TNIK: variants seen among roughly 807,000 people sequenced by gnomAD.
TNIK encodes TRAF2 and NCK interacting kinase, also known as TRAF2 and NCK-interacting protein kinase.
A neutral mutation model predicts 191.3 loss-of-function variants in TNIK; 49 were observed. That is an observed-to-expected ratio of 0.26 (90% CI 0.20 to 0.32). The LOEUF (loss-of-function observed/expected upper bound fraction) is 0.32. Among genes scored for constraint, TNIK ranks in the 10% least tolerant of loss-of-function variants. The pLI is 1.00. For synonymous variants in TNIK, 594 were observed against 600.9 expected, an observed-to-expected ratio of 0.99 and a Z score of 0.17; for missense variants, 1,155 against 1,702.3, an observed-to-expected ratio of 0.68 and a Z score of 5.66.
At chr3:171,410,061 C>A (rs1722186523) in intron 1 of TNIK, among the ~76,000 whole-genome samples, 1 of 152,038 alleles carries the variant, frequency 6.6e-6, no homozygotes, top group African/African-American at 2.4e-5. Context: ...AGAAGAGAAG[C>A]AGCAATTTAT....
intron 31 of TNIK, 94 bp from the exon 32 acceptor site, chr3:171,066,420 G>A (rs1576881481): frequency 1.9e-6 from 3 of 1,559,204 alleles, no homozygotes; most frequent in Non-Finnish European, 1.7e-6. Context: ...AATGACAAAC[G>A]ACTTGAGATA....
chr3:171,150,020 T>C (rs1191861595), intron 12 of TNIK, among the ~76,000 whole-genome samples: 2 of 152,198 alleles, frequency 1.3e-5, no homozygotes, highest in Non-Finnish European at 2.9e-5. Flanking sequence ...TTCCTCTGGC[T>C]TGGGGCCTGG....
chr3:171,202,100 A>C (rs2108874290), intron 4 of TNIK, among the ~76,000 whole-genome samples: 1 of 152,330 alleles, frequency 6.6e-6, no homozygotes, highest in Non-Finnish European at 1.5e-5. Flanking sequence ...CAGACAACCC[A>C]GAGTCAGTAC....
At chr3:171,281,937 A>C (rs1215724034) in intron 2 of TNIK, among the ~76,000 whole-genome samples, 1 of 152,202 alleles carries the variant, frequency 6.6e-6, no homozygotes, top group Non-Finnish European at 1.5e-5. Flanking sequence ...GTTGAGCCTG[A>C]CTGAATTAGT....
intron 1 of TNIK, among the ~76,000 whole-genome samples, chr3:171,443,244 T>C (rs2108696145): frequency 6.6e-6 from 1 of 152,308 alleles, no homozygotes; most frequent in East Asian, 1.9e-4. Flanking sequence ...CTGGTTCCAC[T>C]GCTACCCAGA....
intron 1 of TNIK, among the ~76,000 whole-genome samples, chr3:171,396,781 A>G (rs1720308574): frequency 6.6e-6 from 1 of 152,182 alleles, no homozygotes. Context: ...CTTCCTAGCC[A>G]TTCTCAGTTG....
intron 9 of TNIK, 29 bp from the exon 10 acceptor site, chr3:171,167,299 A>G (rs1439155233): frequency 6.3e-7 from 1 of 1,598,124 alleles, no homozygotes; most frequent in East Asian, 2.2e-5. Flanking sequence ...GAATCCACAG[A>G]TAAAACGGCG....
chr3:171,110,747 G>C lies in TNIK; in HGVS notation c.2251C>G (p.Gln751Glu). The C allele has an allele frequency of 1.2e-6, 2 of 1,601,692 alleles. No individual in the cohort carries two copies. Among genetic ancestry groups the C allele is most frequent in the Non-Finnish European group, 1.7e-6 (2 of 1,174,268 alleles). ...SSQGGSQPGS[Q>E]AGSSERTRVR... ...CTGGTGCGTTCACTGGATCCTGCTTGTGATCCAGGCTGGGAGCCTCCTTGG... is the reference window on the plus strand; with the variant it reads ...CTGGTGCGTTCACTGGATCCTGCTTCTGATCCAGGCTGGGAGCCTCCTTGG... The change falls in exon 19 of 33, where the codon CAA (glutamine) becomes GAA (glutamate). Residue 751 changes from glutamine to glutamate, a missense_variant. Around this residue, in one of 3 missense-constraint regions of TNIK, gnomAD observed 735 missense variants for 848.0 expected, o/e 0.87. Coordinates refer to ENST00000436636, the MANE Select transcript of TNIK (RefSeq NM_015028.4).
rs543162023 is a variant in TNIK, at chr3:171,424,689, T to C, written c.57+35318A>G. Among the ~76,000 whole-genome samples the C allele has an allele frequency of 1.4e-3, 212 of 152,018 alleles. 6 individuals are homozygous for C. In the South Asian group the frequency reaches 0.042, roughly 30 times the overall value. On this transcript the variant is annotated intron_variant, in intron 1 of 32. Transcript: ENST00000436636. ...TGAGTTCATGTCCTTTGTAGGAACATGGATGAAGCTGGAAACCATCATTCT... is the reference window on the plus strand; with the variant it reads ...TGAGTTCATGTCCTTTGTAGGAACACGGATGAAGCTGGAAACCATCATTCT...
chr3:171,320,827 G>A (rs1298997484), intron 2 of TNIK, among the ~76,000 whole-genome samples: 2 of 152,212 alleles, frequency 1.3e-5, no homozygotes, highest in African/African-American at 4.8e-5. Flanking sequence ...ACTGTAAAGA[G>A]GCTGTGTCTG....
At chr3:171,291,433 G>A (rs948848527) in intron 2 of TNIK, among the ~76,000 whole-genome samples, 3 of 152,060 alleles carry the variant, frequency 2.0e-5, no homozygotes, top group African/African-American at 7.2e-5. Context: ...TGCTGATAGT[G>A]AGTTTTCTTA....
At chr3:171,372,264 T>G (rs1381026135) in intron 1 of TNIK, among the ~76,000 whole-genome samples, 1 of 152,236 alleles carries the variant, frequency 6.6e-6, no homozygotes, top group Non-Finnish European at 1.5e-5. Flanking sequence ...AGAAGGTTTT[T>G]GCTGGACACA....
At chr3:171,235,027 GTTTA>G (rs948755598) in intron 2 of TNIK, among the ~76,000 whole-genome samples, 2 of 151,910 alleles carry the variant, frequency 1.3e-5, no homozygotes, top group African/African-American at 2.4e-5. Context: ...TTTTTTATTT[GTTTA>G]TTTATTCATT....
At chr3:171,399,341 G>A (rs1323927061) in intron 1 of TNIK, among the ~76,000 whole-genome samples, 1 of 152,118 alleles carries the variant, frequency 6.6e-6, no homozygotes, top group African/African-American at 2.4e-5. Context: ...CTTGGACCCT[G>A]AGCCTCCCTC....
chr3:171,085,334 G>C, intron 24 of TNIK, 105 bp from the exon 25 acceptor site: 5 of 1,082,040 alleles, frequency 4.6e-6, no homozygotes, highest in Non-Finnish European at 6.5e-6. Context: ...ATTCTTCAAG[G>C]TATTCAGGTG....
intron 23 of TNIK, among the ~76,000 whole-genome samples, chr3:171,089,189 G>A (rs1460181161): frequency 6.6e-6 from 1 of 152,192 alleles, no homozygotes; most frequent in Non-Finnish European, 1.5e-5. Context: ...CCTGCTCCTG[G>A]ACTACGAGCT....
At chr3:171,351,083 G>A (rs966765177) in intron 2 of TNIK, among the ~76,000 whole-genome samples, 12 of 152,050 alleles carry the variant, frequency 7.9e-5, no homozygotes, top group Admixed American at 2.0e-4. Flanking sequence ...TAGAGATGAC[G>A]TTTCACTATG....
chr3:171,073,114 A>G (rs190788353), intron 28 of TNIK, among the ~76,000 whole-genome samples: 2 of 152,316 alleles, frequency 1.3e-5, no homozygotes, highest in East Asian at 3.9e-4. Flanking sequence ...CTAAAAGAAC[A>G]AAGTTGAAGG....
chr3:171,093,745 A>G, intron 23 of TNIK, 94 bp downstream of exon 23: 1 of 1,500,606 alleles, frequency 6.7e-7, no homozygotes, highest in Non-Finnish European at 9.0e-7. Context: ...CCCCATACTT[A>G]AAATACATGC....
Sources: allele counts gnomAD v4.1 joint callset (sites outside exome capture counted in the v4.1 genomes callset), GRCh38; gene constraint gnomAD v4.1.1; regional missense constraint gnomAD v4.1.1; transcripts MANE v1.5; gene names NCBI Gene and HGNC (gene_info 2026-07-23, HGNC 2026-07-21).